PECR: variants seen among roughly 807,000 people sequenced by gnomAD.
The protein encoded by PECR is peroxisomal trans-2-enoyl-CoA reductase.
PECR carries 30 observed loss-of-function variants against 35.3 expected under a neutral mutation model. The ratio of observed to expected loss-of-function variants is 0.85; its 90% CI spans 0.64 to 1.15. PECR has a LOEUF of 1.15. Ranked by LOEUF, PECR falls within the 50% of genes most tolerant of loss-of-function variation. PECR has a pLI of 0.00. For missense variants in PECR, 392 were observed against 370.8 expected (o/e 1.06, Z -0.47); for synonymous variants, 148 against 138.9 (o/e 1.07, Z -0.46).
At chr2:216,074,525 G>GAAGGAAGA (rs1695653088) in intron 1 of PECR, among the ~76,000 whole-genome samples, 1 of 126,740 alleles carries the variant, frequency 7.9e-6, no homozygotes, top group Non-Finnish European at 1.5e-5. Context: ...AGGAAGGAAG[G>GAAGGAAGA]AAGGAAGGAA....
chr2:216,032,331 TTGAG>T (rs964474264), intron 7 of PECR, among the ~76,000 whole-genome samples: 2 of 152,220 alleles, frequency 1.3e-5, no homozygotes, highest in African/African-American at 4.8e-5. Flanking sequence ...GCTGATTTGT[TTGAG>T]TTTTTTTCCA....
At chr2:216,030,263 T>C (rs1165313055) in intron 7 of PECR, among the ~76,000 whole-genome samples, 2 of 152,182 alleles carry the variant, frequency 1.3e-5, no homozygotes, top group Non-Finnish European at 2.9e-5. Context: ...AATCTCTTCA[T>C]TGTCCTTGGT....
At chr2:216,080,347 A>G (rs1469752402) in intron 1 of PECR, among the ~76,000 whole-genome samples, 1 of 152,232 alleles carries the variant, frequency 6.6e-6, no homozygotes, top group Non-Finnish European at 1.5e-5. Context: ...AAGTGCTGGA[A>G]TTACAGGCGT....
chr2:216,057,377 T>C (rs371468424), intron 4 of PECR, among the ~76,000 whole-genome samples: 12 of 152,186 alleles, frequency 7.9e-5, no homozygotes, highest in African/African-American at 2.2e-4. Flanking sequence ...AGAAGAAATC[T>C]CTTTAGACTC....
At chr2:216,075,061 C>T (rs1048125921) in intron 1 of PECR, among the ~76,000 whole-genome samples, 4 of 152,138 alleles carry the variant, frequency 2.6e-5, no homozygotes, top group Non-Finnish European at 4.4e-5. Context: ...GTTGGAGAGT[C>T]GCTTGTGGTG....
intron 4 of PECR, among the ~76,000 whole-genome samples, chr2:216,056,262 G>A (rs1363255408): frequency 6.6e-6 from 1 of 152,112 alleles, no homozygotes; most frequent in East Asian, 1.9e-4. Context: ...AAAAAAAGGA[G>A]TGCTCAATCT....
At chr2:216,036,452 C>T (rs1694793792), downstream of PECR, among the ~76,000 whole-genome samples, 2 of 152,234 alleles carry the variant, frequency 1.3e-5, no homozygotes, top group Admixed American at 1.3e-4. Flanking sequence ...CAGTGAGCTA[C>T]AAACTATGAC....
In PECR at chr2:216,051,478, T is replaced by C. The variant is rs202239940; in HGVS notation, c.574A>G (p.Ser192Gly). ...GCAACACAATTGATCCGTATTCCAC[T>C]GCAGGCCCATTCCAAAGCTAAAGAT... The part of the protein sequence containing the change: ...TKSLALEWAC[S>G]GIRINCVAPG... Residue 192 changes from serine to glycine, a missense_variant, in exon 5 of 8, where the codon AGT (serine) becomes GGT (glycine). Coordinates refer to ENST00000265322, the MANE Select transcript of PECR (RefSeq NM_018441.6). 2.2e-5 allele frequency: 36 copies of C among 1,611,290 alleles called. No homozygotes were observed. The highest frequency in any genetic ancestry group is 3.3e-4 in the Middle Eastern group (2 of 6,050).
chr2:216,069,927 ACT>A (rs1242115288), intron 1 of PECR, among the ~76,000 whole-genome samples: 5 of 132,730 alleles, frequency 3.8e-5, no homozygotes, highest in Non-Finnish European at 7.9e-5. Context: ...CAAGAGCAAG[ACT>A]CTGTCAAAAA....
At chr2:216,076,766 C>T (rs111417041) in intron 1 of PECR, among the ~76,000 whole-genome samples, 14,131 of 152,018 alleles carry the variant, frequency 0.093, 1,232 homozygotes, top group African/African-American at 0.23. Context: ...AGCCACTGCA[C>T]TCCAGCCTGG....
chr2:216,073,117 C>T (rs1695618771), intron 1 of PECR, among the ~76,000 whole-genome samples: 2 of 152,118 alleles, frequency 1.3e-5, no homozygotes, highest in Non-Finnish European at 2.9e-5. Context: ...GTAAGCCTTG[C>T]CTAACTTTAA....
At chr2:216,068,806 T>G (rs914720264) in intron 1 of PECR, among the ~76,000 whole-genome samples, 1 of 17,138 alleles carries the variant, frequency 5.8e-5, no homozygotes. Flanking sequence ...TCTGGCCAAT[T>G]TTTTTTTTTT....
At chr2:216,043,100 T>C (rs1202875809) in intron 7 of PECR, among the ~76,000 whole-genome samples, 2 of 132,966 alleles carry the variant, frequency 1.5e-5, no homozygotes, top group Non-Finnish European at 3.3e-5. Context: ...TATATATGTA[T>C]GCGTATATAT....
intron 6 of PECR, among the ~76,000 whole-genome samples, chr2:216,044,658 T>G (rs1468448982): frequency 6.6e-6 from 1 of 152,108 alleles, no homozygotes; most frequent in South Asian, 2.1e-4. Context: ...ACTGCACCAC[T>G]ACATTCCAGC....
chr2:216,047,255 T>C (rs1221462507), intron 6 of PECR, among the ~76,000 whole-genome samples: 2 of 94,676 alleles, frequency 2.1e-5, no homozygotes, highest in Non-Finnish European at 4.3e-5. Flanking sequence ...TGTAACTTCG[T>C]CTCAGGAAAA....
chr2:216,035,507 A>T (rs1373193763), downstream of PECR, among the ~76,000 whole-genome samples: 2 of 140,664 alleles, frequency 1.4e-5, no homozygotes, highest in Non-Finnish European at 3.1e-5. Flanking sequence ...TTTTTTTTCG[A>T]GACAGGGTCT....
chr2:216,043,920 G>A lies in PECR; in HGVS notation c.810C>T (p.His270=), dbSNP rs1694944141. 1.3e-6 allele frequency: 2 copies of A among 1,587,484 alleles called. No homozygotes were observed. The highest frequency in any genetic ancestry group is 1.3e-5 in the African/African-American group (1 of 74,666). ...GCTGCTCACCTGGTACCTCATACGAGTGAGTATAGAGACTCCGGCCCCCAT... is the reference window on the plus strand; with the variant it reads ...GCTGCTCACCTGGTACCTCATACGAATGAGTATAGAGACTCCGGCCCCCAT... ...DVDGGRSLYT[H]SYEVPDHDNW... is the part of the protein sequence containing the mutation. The change falls in exon 7 of 8, where the codon CAC becomes CAT. Residue 270 remains histidine (H), a synonymous_variant. Coordinates refer to ENST00000265322, the MANE Select transcript of PECR (RefSeq NM_018441.6).
chr2:216,055,442 A>C lies in PECR; in HGVS notation c.506+3453T>G, dbSNP rs200209179. On this transcript the variant is annotated intron_variant, in intron 4 of 7. Transcript: ENST00000265322. Reference sequence around the variant, plus strand: ...ACAAGAACAAAATTCCATCTCAAAAAAAAAAAACAAAAAAACAAAAAAACA... The same window carrying C: ...ACAAGAACAAAATTCCATCTCAAAACAAAAAAACAAAAAAACAAAAAAACA... 9.1e-5 allele frequency among the ~76,000 whole-genome samples: 12 copies of C among 131,938 alleles called. No individual in the cohort carries two copies. In the East Asian group the frequency reaches 1.8e-3, roughly 19 times the overall value. 86.6% of individuals were successfully genotyped at this position (131,938 alleles called of 152,430 possible). A position where few individuals can be genotyped will look rare whatever the true frequency, so the allele number is the denominator to read the frequency against.
chr2:216,071,029 G>A (rs747875666), intron 1 of PECR, among the ~76,000 whole-genome samples: 1 of 152,156 alleles, frequency 6.6e-6, no homozygotes, highest in Non-Finnish European at 1.5e-5. Flanking sequence ...AATTAATTGA[G>A]ACAGGTAATT....
Sources: allele counts gnomAD v4.1 joint callset (sites outside exome capture counted in the v4.1 genomes callset), GRCh38; gene constraint gnomAD v4.1.1; transcripts MANE v1.5; gene names NCBI Gene and HGNC (gene_info 2026-07-23, HGNC 2026-07-21).